Variants in MIR2052HG observed in about 807,000 individuals in gnomAD.
MIR2052HG encodes the protein MIR2052 host gene.
At chr8:74,742,756 C>A (rs942983078) in intron 4 of MIR2052HG, among the ~76,000 whole-genome samples, 6 of 152,244 alleles carry the variant, frequency 3.9e-5, no homozygotes, top group African/African-American at 1.4e-4. Context: ...CTCTAGGTGT[C>A]TTTGCTGTGG....
chr8:74,711,781 C>T (rs1387466511), intron 4 of MIR2052HG, among the ~76,000 whole-genome samples: 3 of 152,178 alleles, frequency 2.0e-5, no homozygotes, highest in Non-Finnish European at 4.4e-5. Flanking sequence ...AATCTCCTTG[C>T]TTCAAATTCA....
intron 4 of MIR2052HG, among the ~76,000 whole-genome samples, chr8:74,723,062 C>T (rs550361867): frequency 6.6e-6 from 1 of 152,308 alleles, no homozygotes; most frequent in South Asian, 2.1e-4. Flanking sequence ...ATAAATGACC[C>T]TGTCTCTCTG....
chr8:74,751,203 T>G (rs1347145189), intron 4 of MIR2052HG, among the ~76,000 whole-genome samples: 1 of 152,244 alleles, frequency 6.6e-6, no homozygotes, highest in African/African-American at 2.4e-5. Context: ...GGTAACAGTC[T>G]TCTTTCAGCT....
chr8:74,600,285 T>G (rs1807975400), intron 1 of MIR2052HG, among the ~76,000 whole-genome samples: 1 of 151,742 alleles, frequency 6.6e-6, no homozygotes, highest in South Asian at 2.1e-4. Context: ...TTCTTTTTTT[T>G]TTTTGAGATG....
chr8:74,712,137 T>G (rs1809474475), intron 4 of MIR2052HG, among the ~76,000 whole-genome samples: 1 of 152,218 alleles, frequency 6.6e-6, no homozygotes, highest in African/African-American at 2.4e-5. Context: ...TCTCTGTGCC[T>G]CATTCTCTTT....
At chr8:74,714,878 A>G (rs1809505575) in intron 4 of MIR2052HG, among the ~76,000 whole-genome samples, 1 of 151,102 alleles carries the variant, frequency 6.6e-6, no homozygotes, top group African/African-American at 2.4e-5. Context: ...TAATTTTCAT[A>G]TTTTTTGGTA....
rs10099766 is a variant in MIR2052HG at position 74,673,565 on chromosome 8, G to C, written n.217-28814G>C. On this transcript the variant is annotated intron_variant and non_coding_transcript_variant, in intron 2 of 6. Coordinates refer to ENST00000523442, the Ensembl canonical transcript of MIR2052HG. ...TGGAGGTAAATATCCTTCTTTGCTT[G>C]TGTTACACTTTGTATCTAGGCTAAA... is the stretch of plus-strand genomic sequence containing the variant. Among the ~76,000 whole-genome samples, 1,133 of 152,020 alleles carry C rather than the reference G, an allele frequency of 7.5e-3. 10 individuals are homozygous for C. Among genetic ancestry groups the C allele is most frequent in the African/African-American group, 0.026 (1,076 of 41,494 alleles).
rs143281728 is a variant in MIR2052HG at position 74,711,168 on chromosome 8, T to C, written n.371+7486T>C. ...CAAACTTTGCCTCCTCTGGAAGCTT[T>C]CCCTGGCCCACTAGCTAGGTCATAT... On this transcript the variant is annotated intron_variant and non_coding_transcript_variant, in intron 4 of 6. Coordinates refer to ENST00000523442, the Ensembl canonical transcript of MIR2052HG. Among the ~76,000 whole-genome samples the C allele has an allele frequency of 1.2e-4, 19 of 152,314 alleles. No homozygotes were observed. The East Asian group carries it at 3.7e-3, about 29-fold the overall frequency.
chr8:74,751,281 C>G (rs1222924012), intron 4 of MIR2052HG, among the ~76,000 whole-genome samples: 6 of 152,142 alleles, frequency 3.9e-5, no homozygotes, highest in Non-Finnish European at 1.5e-5. Context: ...TGTGCTATTT[C>G]TTGCTGATTT....
At chr8:74,728,565 T>C (rs969398140) in intron 4 of MIR2052HG, among the ~76,000 whole-genome samples, 2 of 152,196 alleles carry the variant, frequency 1.3e-5, no homozygotes, top group Admixed American at 6.5e-5. Flanking sequence ...GACCACTATA[T>C]ACACAATTGT....
chr8:74,622,540 G>A (rs1035260746), intron 2 of MIR2052HG, among the ~76,000 whole-genome samples: 2 of 152,000 alleles, frequency 1.3e-5, no homozygotes. Context: ...GGAGATGAAG[G>A]TTGCAGTGAG....
chr8:74,670,490 G>A (rs1243493918), intron 2 of MIR2052HG, among the ~76,000 whole-genome samples: 1 of 152,106 alleles, frequency 6.6e-6, no homozygotes, highest in Admixed American at 6.6e-5. Context: ...AAATACTTGA[G>A]ACCTAAAATA....
chr8:74,743,961 A>G (rs1670067177), intron 4 of MIR2052HG, among the ~76,000 whole-genome samples: 1 of 152,242 alleles, frequency 6.6e-6, no homozygotes, highest in African/African-American at 2.4e-5. Flanking sequence ...TTAAAATACT[A>G]GAACAATCTG....
chr8:74,647,933 C>G (rs947497448), intron 2 of MIR2052HG, among the ~76,000 whole-genome samples: 4 of 152,076 alleles, frequency 2.6e-5, no homozygotes, highest in African/African-American at 9.7e-5. Flanking sequence ...TCTTTGCAAG[C>G]TGAGAATGTA....
intron 2 of MIR2052HG, among the ~76,000 whole-genome samples, chr8:74,659,026 T>C (rs1259967905): frequency 4.6e-5 from 7 of 152,246 alleles, no homozygotes; most frequent in Non-Finnish European, 1.0e-4. Context: ...AAGAGATTTA[T>C]CTAACAAAAT....
chr8:74,725,481 G>A (rs991706770), intron 4 of MIR2052HG, among the ~76,000 whole-genome samples: 1 of 152,188 alleles, frequency 6.6e-6, no homozygotes, highest in African/African-American at 2.4e-5. Flanking sequence ...TAATGGCAAC[G>A]GGGTGGCTAC....
At chr8:74,687,911 A>G (rs1809200766) in intron 2 of MIR2052HG, among the ~76,000 whole-genome samples, 1 of 152,174 alleles carries the variant, frequency 6.6e-6, no homozygotes, top group Non-Finnish European at 1.5e-5. Context: ...TGGTGGTGTT[A>G]TCACTGGTGT....
At chr8:74,692,424 A>T (rs1267097405) in intron 2 of MIR2052HG, among the ~76,000 whole-genome samples, 1 of 152,208 alleles carries the variant, frequency 6.6e-6, no homozygotes, top group Non-Finnish European at 1.5e-5. Context: ...AACTGGGTTA[A>T]TAGTAGTAAG....
intron 2 of MIR2052HG, among the ~76,000 whole-genome samples, chr8:74,663,111 T>C (rs1287760151): frequency 1.3e-5 from 2 of 152,114 alleles, no homozygotes; most frequent in Non-Finnish European, 2.9e-5. Flanking sequence ...CCGAAGTCCA[T>C]TAGCATTACT....
Sources: gnomAD v4.1 joint callset for allele counts (sites outside exome capture counted in the v4.1 genomes callset) on GRCh38, gnomAD v4.1.1 for gene constraint, MANE v1.5 for transcripts, NCBI Gene and HGNC (gene_info 2026-07-23, HGNC 2026-07-21) for gene names.